Variants in RGS6 observed in about 807,000 individuals in gnomAD.
RGS6 encodes the protein regulator of G-protein signaling 6.
Under a neutral mutation model 78.5 loss-of-function variants are expected in RGS6, and 30 were observed. The ratio of observed to expected loss-of-function variants is 0.38; its 90% confidence interval spans 0.29 to 0.52. RGS6 has a LOEUF of 0.52. RGS6 is among the 20% of genes least tolerant of loss of function. The pLI is 0.85. For synonymous variants in RGS6, 206 were observed against 206.0 expected (o/e 1.00, Z 0.00); for missense variants, 495 against 609.7 (o/e 0.81, Z 1.98).
chr14:72,480,767 A>G (rs2096358841), intron 12 of RGS6, among the ~76,000 whole-genome samples: 1 of 152,134 alleles, frequency 6.6e-6, no homozygotes, highest in African/African-American at 2.4e-5. Context: ...ACGCACATCC[A>G]CATCCACATC....
chr14:72,539,632 G>T (rs935831482), intron 16 of RGS6, among the ~76,000 whole-genome samples: 1 of 152,250 alleles, frequency 6.6e-6, no homozygotes, highest in East Asian at 1.9e-4. Flanking sequence ...GACTTGGGGG[G>T]CCCCCAGGGC....
intron 2 of RGS6, among the ~76,000 whole-genome samples, chr14:72,129,465 G>A (rs1025039346): frequency 2.0e-5 from 3 of 152,292 alleles, no homozygotes; most frequent in Non-Finnish European, 4.4e-5. Context: ...CACCCTGGCT[G>A]TGCCAAGTTT....
intron 2 of RGS6, among the ~76,000 whole-genome samples, chr14:72,070,953 G>C (rs530042765): frequency 7.2e-5 from 11 of 152,216 alleles, no homozygotes; most frequent in African/African-American, 2.6e-4. Flanking sequence ...ACAACTCATT[G>C]ATGCATTTAA....
chr14:71,990,639 G>A (rs565151782), intron 2 of RGS6: 8 of 455,686 alleles, frequency 1.8e-5, no homozygotes, highest in African/African-American at 6.0e-5. Flanking sequence ...CTTCATTCCC[G>A]GGGCAGCTTC....
intron 2 of RGS6, among the ~76,000 whole-genome samples, chr14:72,072,869 G>C (rs899479426): frequency 6.6e-6 from 1 of 152,190 alleles, no homozygotes; most frequent in African/African-American, 2.4e-5. Flanking sequence ...TCGTGCTGTC[G>C]TTCTCCAATG....
the RGS6 span, among the ~76,000 whole-genome samples, chr14:71,882,162 A>G: frequency 2.7e-3 from 408 of 152,296 alleles, 5 homozygotes; most frequent in African/African-American, 9.1e-3. Context: ...GAATTCACCT[A>G]TTCTAGCTAA....
chr14:72,477,348 G>C (rs911202715), intron 11 of RGS6: 2 of 153,452 alleles, frequency 1.3e-5, no homozygotes, highest in Admixed American at 1.3e-4. Context: ...ACTTCCTTCT[G>C]ATATTTACTG....
At chr14:72,504,921 ATTTTTTT>A (rs34953560) in intron 13 of RGS6, among the ~76,000 whole-genome samples, 56 of 76,078 alleles carry the variant, frequency 7.4e-4, no homozygotes, top group Middle Eastern at 8.2e-3. Context: ...CGCCCAGCTA[ATTTTTTT>A]TTTTTTTTTT....
intron 1 of RGS6, among the ~76,000 whole-genome samples, chr14:71,951,654 T>C (rs1430914689): frequency 6.6e-6 from 1 of 152,214 alleles, no homozygotes; most frequent in Non-Finnish European, 1.5e-5. Context: ...GGGATTTTGA[T>C]TGGGATTGCA....
At chr14:72,454,442 T>C in intron 3 of RGS6, 86 bp from the exon 4 acceptor site, 19 of 1,369,942 alleles carry the variant, frequency 1.4e-5, no homozygotes, top group Admixed American at 1.7e-5. Context: ...TGTTTGGAAT[T>C]AGGATTCTCT....
At chr14:72,381,447 TAAAAC>T (rs2086076068) in intron 3 of RGS6, among the ~76,000 whole-genome samples, 2 of 151,982 alleles carry the variant, frequency 1.3e-5, no homozygotes, top group African/African-American at 2.4e-5. Flanking sequence ...TTAAATAAAA[TAAAAC>T]AACTAGAAAT....
chr14:71,878,264 G>T, the RGS6 span, among the ~76,000 whole-genome samples: 7 of 152,186 alleles, frequency 4.6e-5, no homozygotes, highest in African/African-American at 1.7e-4. Context: ...ATTCAGCTAT[G>T]CCCTGCCACC....
chr14:72,147,777 T>A (rs1054382921), intron 2 of RGS6, among the ~76,000 whole-genome samples: 1 of 152,116 alleles, frequency 6.6e-6, no homozygotes, highest in African/African-American at 2.4e-5. Flanking sequence ...ACAGGTGGGA[T>A]GAATCCAGAG....
chr14:72,506,238 A>G (rs539606702), intron 13 of RGS6, among the ~76,000 whole-genome samples: 2,027 of 152,334 alleles, frequency 0.013, 41 homozygotes, highest in African/African-American at 0.046. Flanking sequence ...CTAAAAAAAA[A>G]TAGCTGGAAA....
intron 13 of RGS6, among the ~76,000 whole-genome samples, chr14:72,503,507 A>G (rs1377707953): frequency 6.8e-6 from 1 of 145,986 alleles, no homozygotes; most frequent in East Asian, 2.2e-4. Flanking sequence ...TTGTGAAACC[A>G]AACAAGTTAT....
chr14:72,256,059 C>T (rs1357452905), intron 2 of RGS6, among the ~76,000 whole-genome samples: 1 of 152,172 alleles, frequency 6.6e-6, no homozygotes, highest in Non-Finnish European at 1.5e-5. Flanking sequence ...ACAGACAGAG[C>T]CAAGGCACTG....
intron 2 of RGS6, among the ~76,000 whole-genome samples, chr14:72,200,972 A>G (rs1052875243): frequency 9.3e-5 from 5 of 54,026 alleles, no homozygotes; most frequent in African/African-American, 1.4e-4. Flanking sequence ...AAAAAAAAAA[A>G]AAAAAAAAAA....
the RGS6 span, among the ~76,000 whole-genome samples, chr14:72,598,354 C>T: frequency 7.2e-5 from 11 of 152,182 alleles, no homozygotes; most frequent in Non-Finnish European, 1.5e-4. Flanking sequence ...GGAAAGATTT[C>T]AAAGGAATTT....
chr14:72,049,009 A>C (rs17106308), intron 2 of RGS6, among the ~76,000 whole-genome samples: 2,039 of 152,314 alleles, frequency 0.013, 50 homozygotes, highest in African/African-American at 0.046. Context: ...AATTTCCCAG[A>C]GTTAATTCCC....
Sources: gnomAD v4.1 joint callset for allele counts (sites outside exome capture counted in the v4.1 genomes callset) on GRCh38, gnomAD v4.1.1 for gene constraint, MANE v1.5 for transcripts, NCBI Gene and HGNC (gene_info 2026-07-23, HGNC 2026-07-21) for gene names.